Variants in ARHGAP22 observed in about 807,000 individuals in gnomAD.
ARHGAP22 encodes rho GTPase-activating protein 22.
Under a neutral mutation model 59.1 loss-of-function variants are expected in ARHGAP22, and 48 were observed. That is an observed-to-expected ratio of 0.81 (90% CI 0.64 to 1.03). ARHGAP22 has a LOEUF of 1.03. ARHGAP22 is among the 50% of genes least tolerant of loss of function. The pLI is 0.00. For missense variants in ARHGAP22, 1,015 were observed against 958.7 expected (o/e 1.06, Z -0.78); for synonymous variants, 445 against 416.4 (o/e 1.07, Z -0.84).
At position 48,450,457 on chromosome 10, in the gene ARHGAP22, T is replaced by G. The variant is rs1460484039; in HGVS notation, c.1672A>C (p.Ser558Arg). Residue 558 changes from serine (S) to arginine (R), a missense_variant, in exon 9 of 10, where the codon AGC becomes CGC. Physicochemically the swap from Ser to Arg is moderately radical, Grantham distance 110. Transcript: ENST00000249601. The part of the protein sequence containing the change: ...ALEPSPLPSS[S>R]EDPKSLDLDH... ...AGGTCCAGGGACTTGGGGTCCTCGCTGCTGCTGGGGAGCGGGGAGGGCTCC... is the reference window on the plus strand; with the variant it reads ...AGGTCCAGGGACTTGGGGTCCTCGCGGCTGCTGGGGAGCGGGGAGGGCTCC... The G allele has an allele frequency of 6.5e-7, 1 of 1,550,008 alleles. No individual in the cohort carries two copies. The highest frequency in any genetic ancestry group is 2.4e-5 in the East Asian group (1 of 41,566).
intron 1 of ARHGAP22, among the ~76,000 whole-genome samples, chr10:48,644,145 CT>C (rs1386682298): frequency 6.6e-6 from 1 of 151,444 alleles, no homozygotes; most frequent in Non-Finnish European, 1.5e-5. Context: ...AAAACTCTAT[CT>C]CAAAAAAAGA....
chr10:48,655,921 C>T (rs1040149929), upstream of ARHGAP22: 1 of 152,400 alleles, frequency 6.6e-6, no homozygotes, highest in African/African-American at 2.4e-5. Flanking sequence ...AAAACCCGTC[C>T]CTCGGGCGTG....
At chr10:48,581,370 G>T (rs1040025690) in intron 2 of ARHGAP22, among the ~76,000 whole-genome samples, 1 of 152,166 alleles carries the variant, frequency 6.6e-6, no homozygotes, top group Admixed American at 6.5e-5. Context: ...CTGTTCACTG[G>T]AATAAAGTCT....
the ARHGAP22 span, chr10:48,431,054 C>T: frequency 9.5e-4 from 625 of 660,396 alleles, 4 homozygotes; most frequent in East Asian, 0.013. Flanking sequence ...AATCTTAGGC[C>T]GACATTTAAC....
chr10:48,619,583 T>C lies in ARHGAP22; in HGVS notation c.52+32651A>G, dbSNP rs1210019246. On this transcript the variant is annotated intron_variant, in intron 1 of 9. Coordinates refer to the ARHGAP22 transcript ENST00000435790. Reference sequence around the variant, plus strand: ...TTTGACAAAGGCACAAGAGCATACATTGGGGGAAGGACACTGTCTTCAATA... The same window carrying C: ...TTTGACAAAGGCACAAGAGCATACACTGGGGGAAGGACACTGTCTTCAATA... Among the ~76,000 whole-genome samples, 6 of 152,228 alleles carry C rather than the reference T, an allele frequency of 3.9e-5. No homozygotes were observed. The East Asian group carries it at 9.6e-4, about 24-fold the overall frequency.
chr10:48,484,505 A>G (rs990923938), intron 3 of ARHGAP22, among the ~76,000 whole-genome samples: 1 of 152,220 alleles, frequency 6.6e-6, no homozygotes, highest in South Asian at 2.1e-4. Flanking sequence ...AGAATAAGCT[A>G]TTAAATATTC....
upstream of ARHGAP22, among the ~76,000 whole-genome samples, chr10:48,606,096 A>G (rs1206705365): frequency 2.6e-5 from 4 of 152,034 alleles, no homozygotes; most frequent in African/African-American, 9.7e-5. Context: ...TGGGCCTGAG[A>G]ACTGTGTGAC....
the ARHGAP22 span, among the ~76,000 whole-genome samples, chr10:48,433,152 G>C: frequency 6.6e-6 from 1 of 152,162 alleles, no homozygotes; most frequent in Non-Finnish European, 1.5e-5. Flanking sequence ...TTACCATTCA[G>C]ATATTTGAGA....
chr10:48,543,758 C>T (rs1176498691), intron 3 of ARHGAP22, among the ~76,000 whole-genome samples: 3 of 151,758 alleles, frequency 2.0e-5, no homozygotes, highest in Non-Finnish European at 2.9e-5. Context: ...TGTTTTAAAG[C>T]AACACAACTA....
At chr10:48,640,853 A>T (rs1483642838) in intron 1 of ARHGAP22, among the ~76,000 whole-genome samples, 1 of 152,182 alleles carries the variant, frequency 6.6e-6, no homozygotes, top group East Asian at 1.9e-4. Flanking sequence ...TCCTCTTAAC[A>T]TCTTTTAAAG....
chr10:48,542,957 T>C, intron 3 of ARHGAP22, among the ~76,000 whole-genome samples: 1 of 152,176 alleles, frequency 6.6e-6, no homozygotes, highest in Non-Finnish European at 1.5e-5. Context: ...GTCATCTCCC[T>C]ATTGGTGCCC....
intron 1 of ARHGAP22, among the ~76,000 whole-genome samples, chr10:48,591,915 T>C (rs1014635534): frequency 6.6e-6 from 1 of 152,104 alleles, no homozygotes; most frequent in African/African-American, 2.4e-5. Flanking sequence ...AAAACATGCA[T>C]GCTCTGCAAT....
At chr10:48,622,850 A>G (rs2061329679) in intron 1 of ARHGAP22, among the ~76,000 whole-genome samples, 1 of 152,178 alleles carries the variant, frequency 6.6e-6, no homozygotes, top group African/African-American at 2.4e-5. Context: ...TGGTTATTAA[A>G]CAGATAACTG....
intron 3 of ARHGAP22, among the ~76,000 whole-genome samples, chr10:48,543,701 A>G (rs977168051): frequency 1.3e-5 from 2 of 152,156 alleles, no homozygotes; most frequent in African/African-American, 4.8e-5. Context: ...TGCACCAGGA[A>G]ATTTGAGAAG....
intron 4 of ARHGAP22, chr10:48,479,221 A>C (rs2049031236): frequency 1.0e-5 from 2 of 199,294 alleles, no homozygotes; most frequent in Non-Finnish European, 1.0e-5. Flanking sequence ...CTGCTTGGCC[A>C]CTCCACCTAA....
At chr10:48,591,756 C>A (rs1372875165) in intron 1 of ARHGAP22, among the ~76,000 whole-genome samples, 3 of 152,094 alleles carry the variant, frequency 2.0e-5, no homozygotes, top group African/African-American at 7.2e-5. Context: ...CCCCTGTGGT[C>A]CCAGCTATTC....
upstream of ARHGAP22, among the ~76,000 whole-genome samples, chr10:48,609,797 T>G (rs1394790437): frequency 6.6e-6 from 1 of 152,214 alleles, no homozygotes; most frequent in Admixed American, 6.5e-5. Flanking sequence ...TGTTGCGAGA[T>G]CTTTAGAGGA....
chr10:48,518,000 G>A (rs950922437), intron 3 of ARHGAP22, among the ~76,000 whole-genome samples: 3 of 152,172 alleles, frequency 2.0e-5, no homozygotes, highest in Admixed American at 1.3e-4. Context: ...GAGGTGTGAG[G>A]GGGAGGCCTG....
At chr10:48,564,358 A>G (rs2057910604) in intron 2 of ARHGAP22, among the ~76,000 whole-genome samples, 1 of 152,238 alleles carries the variant, frequency 6.6e-6, no homozygotes, top group African/African-American at 2.4e-5. Context: ...ATTGCTAAGA[A>G]ATAAGAACAC....
Sources: allele counts gnomAD v4.1 joint callset (sites outside exome capture counted in the v4.1 genomes callset), GRCh38; gene constraint gnomAD v4.1.1; transcripts MANE v1.5; gene names NCBI Gene and HGNC (gene_info 2026-07-23, HGNC 2026-07-21).